Variants in RNF17 observed in about 807,000 individuals in gnomAD.
The protein encoded by RNF17 is spermatogenesis associated 23.
In RNF17, 31 loss-of-function variants were observed where a neutral mutation model predicts 200.5. That is an observed-to-expected ratio of 0.15 (90% CI 0.12 to 0.21). The LOEUF (loss-of-function observed/expected upper bound fraction) is 0.21. Among genes scored for constraint, RNF17 ranks in the 10% least tolerant of loss-of-function variants. RNF17 has a pLI of 1.00. For synonymous variants in RNF17, 606 were observed against 637.8 expected, an observed-to-expected ratio of 0.95 and a Z score of 0.75; for missense variants, 1,628 against 1,905.1, an observed-to-expected ratio of 0.85 and a Z score of 2.71.
At chr13:24,762,360 C>T (rs1485239221), upstream of RNF17, among the ~76,000 whole-genome samples, 2 of 112,942 alleles carry the variant, frequency 1.8e-5, no homozygotes, top group African/African-American at 3.5e-5. Context: ...CAGAGCAAGA[C>T]TCCATTTCTA....
downstream of RNF17, among the ~76,000 whole-genome samples, chr13:24,881,968 ATATAGATACATC>A (rs1276157954): frequency 3.0e-3 from 59 of 19,796 alleles, 15 homozygotes; most frequent in African/African-American, 6.9e-3. Context: ...ACATCTAGAT[ATATAGATACATC>A]TAGATATATA....
At chr13:24,868,087 T>C (rs1893829283) in intron 30 of RNF17, among the ~76,000 whole-genome samples, 1 of 152,206 alleles carries the variant, frequency 6.6e-6, no homozygotes, top group Non-Finnish European at 1.5e-5. Context: ...TTTTTGAAAT[T>C]AGAGGACAAA....
At chr13:24,776,696 G>T (rs561441789) in intron 3 of RNF17, among the ~76,000 whole-genome samples, 1 of 152,170 alleles carries the variant, frequency 6.6e-6, no homozygotes, top group Non-Finnish European at 1.5e-5. Context: ...GGGTGAGGTC[G>T]ACTGAGTTTA....
chr13:24,790,380 G>A (rs2062401021), intron 9 of RNF17, among the ~76,000 whole-genome samples: 1 of 152,090 alleles, frequency 6.6e-6, no homozygotes, highest in Admixed American at 6.6e-5. Flanking sequence ...TTTGTATGCT[G>A]TCTGATGATG....
intron 26 of RNF17, among the ~76,000 whole-genome samples, chr13:24,859,437 A>G (rs181586730): frequency 2.4e-4 from 36 of 152,248 alleles, no homozygotes; most frequent in African/African-American, 8.4e-4. Context: ...TTCCACACAT[A>G]GTGTTAAGTA....
chr13:24,870,892 G>A (rs944209479), intron 32 of RNF17, among the ~76,000 whole-genome samples, 153 bp downstream of exon 32: 3 of 152,208 alleles, frequency 2.0e-5, no homozygotes, highest in Non-Finnish European at 4.4e-5. Flanking sequence ...ATACCCAGAA[G>A]ATGACTTCTT....
intron 15 of RNF17, among the ~76,000 whole-genome samples, chr13:24,811,988 A>G (rs1886702125): frequency 6.6e-6 from 1 of 151,982 alleles, no homozygotes; most frequent in Non-Finnish European, 1.5e-5. Flanking sequence ...TTGAGGAGGC[A>G]GTCTGCCCAT....
chr13:24,796,183 T>C lies in RNF17; in HGVS notation c.1287T>C (p.His429=), dbSNP rs1460106809. The part of the protein sequence containing the change: ...VFVSHVIDPC[H]FYIRKYSQIK... ...TAAGCCATGTAATAGATCCTTGCCA[T>C]TTCTACATTCGGAAGTATTCACAAA... Residue 429 remains histidine (H), a synonymous_variant, in exon 11 of 36, where the codon CAT becomes CAC. Coordinates refer to ENST00000255324, the MANE Select transcript of RNF17 (RefSeq NM_031277.3). 1 of 1,612,696 alleles carries C rather than the reference T, an allele frequency of 6.2e-7. No individual in the cohort carries two copies. The highest frequency in any genetic ancestry group is 1.3e-5 in the African/African-American group (1 of 74,998).
chr13:24,800,300 T>C (rs1273463907), intron 12 of RNF17, 66 bp from the exon 13 acceptor site: 1 of 1,137,160 alleles, frequency 8.8e-7, no homozygotes, highest in Non-Finnish European at 1.2e-6. Flanking sequence ...GCATACCTTC[T>C]GTGGGGGAAA....
chr13:24,841,449 G>A (rs977068729), intron 18 of RNF17, among the ~76,000 whole-genome samples: 5 of 152,114 alleles, frequency 3.3e-5, no homozygotes, highest in African/African-American at 1.2e-4. Context: ...TTCAATGAAT[G>A]TATTTTTCTG....
chr13:24,868,523 G>T, intron 30 of RNF17, 77 bp from the exon 31 acceptor site: 3 of 596,184 alleles, frequency 5.0e-6, no homozygotes, highest in East Asian at 3.9e-5. Flanking sequence ...AAGGTAAATT[G>T]GCACCATCAT....
At chr13:24,807,461 C>G (rs1210159058) in intron 15 of RNF17, among the ~76,000 whole-genome samples, 1 of 152,188 alleles carries the variant, frequency 6.6e-6, no homozygotes, top group African/African-American at 2.4e-5. Context: ...TGAGAAGTGT[C>G]TGTTCATAGC....
Position 24,799,514 on chromosome 13 carries a change from G to A in RNF17, c.1519G>A (p.Val507Ile). 1 of 1,611,846 alleles carries A rather than the reference G, an allele frequency of 6.2e-7. No homozygotes were observed. Among genetic ancestry groups the A allele is most frequent in the Non-Finnish European group, 8.5e-7 (1 of 1,178,404 alleles). ...RKPCSPTRLF[V>I]HEVALIQIFM... ...ACCTTGTAGTCCAACCAGATTATTT[G>A]TCCATGAAGTTGCACTAATACAAAT... Residue 507 changes from valine to isoleucine, a missense_variant, in exon 12 of 36, where the codon GTC (valine) becomes ATC (isoleucine). Val to Ile is a conservative substitution (Grantham distance 29). Coordinates refer to ENST00000255324, the MANE Select transcript of RNF17 (RefSeq NM_031277.3).
intron 27 of RNF17, 149 bp from the exon 28 acceptor site, chr13:24,862,564 G>A (rs1893205329): frequency 1.1e-5 from 6 of 537,412 alleles, no homozygotes; most frequent in Non-Finnish European, 2.1e-5. Flanking sequence ...TTTTTATCAT[G>A]TACCTATGAT....
the RNF17 span, among the ~76,000 whole-genome samples, chr13:24,753,056 T>C: frequency 6.6e-6 from 1 of 152,114 alleles, no homozygotes; most frequent in Non-Finnish European, 1.5e-5. Flanking sequence ...GGGACATTTC[T>C]TTCTTTAATG....
At chr13:24,884,489 C>CCT, downstream of RNF17, 1 of 1,613,142 alleles carries the variant, frequency 6.2e-7, no homozygotes, top group Non-Finnish European at 8.5e-7. Flanking sequence ...AAGATTATCA[C>CCT]CTAAGATTTT....
At chr13:24,866,287 A>G (rs746058662) in intron 30 of RNF17, 84 bp downstream of exon 30, 222 of 732,042 alleles carry the variant, frequency 3.0e-4, no homozygotes, top group Non-Finnish European at 4.8e-4. Flanking sequence ...GCTCTCTTTT[A>G]TAACAGTTTT....
downstream of RNF17, chr13:24,884,021 A>G (rs774772906): frequency 4.3e-6 from 7 of 1,614,130 alleles, no homozygotes; most frequent in African/African-American, 1.3e-5. Context: ...CCATCAGGAA[A>G]TAAGTTTTTA....
intron 2 of RNF17, among the ~76,000 whole-genome samples, chr13:24,771,661 G>A (rs1880717345): frequency 6.7e-6 from 1 of 148,498 alleles, no homozygotes. Context: ...TTCTGACTAG[G>A]CAGACCTTCC....
Sources: gnomAD v4.1 joint callset for allele counts (sites outside exome capture counted in the v4.1 genomes callset) on GRCh38, gnomAD v4.1.1 for gene constraint, MANE v1.5 for transcripts, NCBI Gene and HGNC (gene_info 2026-07-23, HGNC 2026-07-21) for gene names.